Variants in TUFT1 observed in about 807,000 individuals in gnomAD.
The protein encoded by TUFT1 is tuftelin 1.
In TUFT1, 43 loss-of-function variants were observed where a neutral mutation model predicts 57.8. The ratio of observed to expected loss-of-function variants is 0.74; its 90% CI spans 0.58 to 0.96. The LOEUF (loss-of-function observed/expected upper bound fraction) is 0.96. TUFT1 is among the 40% of genes least tolerant of loss of function. The pLI is 0.00. For synonymous variants in TUFT1, 166 were observed against 176.7 expected, an observed-to-expected ratio of 0.94 and a Z score of 0.48; for missense variants, 459 against 489.0, an observed-to-expected ratio of 0.94 and a Z score of 0.58.
intron 4 of TUFT1, 32 bp from the exon 5 acceptor site, chr1:151,564,493 T>C (rs769636019): frequency 6.4e-7 from 1 of 1,571,254 alleles, no homozygotes; most frequent in South Asian, 1.1e-5. Flanking sequence ...TTCTCTACCC[T>C]AAAGCTCAAG....
chr1:151,541,313 C>T (rs1665158689), intron 1 of TUFT1, among the ~76,000 whole-genome samples: 3 of 152,184 alleles, frequency 2.0e-5, no homozygotes, highest in Admixed American at 1.3e-4. Flanking sequence ...TTCTCTGGCT[C>T]CCAGTCCCAG....
chr1:151,580,167 G>C lies in TUFT1; in HGVS notation c.1008+435G>C, dbSNP rs550234534. 2.4e-4 allele frequency among the ~76,000 whole-genome samples: 36 copies of C among 152,332 alleles called. No individual in the cohort carries two copies. The South Asian group carries it at 7.2e-3, about 31-fold the overall frequency. ...CTTTGCCACAGGGCCCTACCTGTCT[G>C]TTGACTACCTGAAGATCACTTTGCG... On this transcript the variant is annotated intron_variant, in intron 11 of 12. Transcript: ENST00000368849.
intron 5 of TUFT1, chr1:151,565,017 T>TA (rs1375151010): frequency 6.2e-6 from 1 of 161,094 alleles, no homozygotes; most frequent in Non-Finnish European, 1.4e-5. Flanking sequence ...GTTTGGGTGA[T>TA]ACCTGTAGCG....
In TUFT1 at chr1:151,569,741, C is replaced by G. The variant is rs1435046037; in HGVS notation, c.565C>G (p.Gln189Glu). 2.1e-5 allele frequency: 34 copies of G among 1,613,838 alleles called. No individual in the cohort carries two copies. Among genetic ancestry groups the G allele is most frequent in the Non-Finnish European group, 2.9e-5 (34 of 1,179,896 alleles). Residue 189 changes from glutamine (Q) to glutamate (E), a missense_variant, in exon 7 of 13, where the codon CAA becomes GAA. Physicochemically the swap from Gln to Glu is conservative, Grantham distance 29. Coordinates refer to ENST00000368849, the MANE Select transcript of TUFT1 (RefSeq NM_020127.3). The part of the protein sequence containing the change: ...LLAKLQEAKR[Q>E]HQSDCVAFEV... Reference sequence around the variant, plus strand: ...GGCCAAGCTTCAGGAGGCCAAGCGGCAACACCAGTCAGACTGTGTGGCTTT... The same window carrying G: ...GGCCAAGCTTCAGGAGGCCAAGCGGGAACACCAGTCAGACTGTGTGGCTTT...
chr1:151,561,354 A>G (rs1665882258), intron 1 of TUFT1, among the ~76,000 whole-genome samples: 1 of 152,006 alleles, frequency 6.6e-6, no homozygotes, highest in Non-Finnish European at 1.5e-5. Flanking sequence ...CATGTCTACA[A>G]AAAATACAAA....
At chr1:151,550,303 G>T (rs1359133400) in intron 1 of TUFT1, among the ~76,000 whole-genome samples, 1 of 152,124 alleles carries the variant, frequency 6.6e-6, no homozygotes, top group Non-Finnish European at 1.5e-5. Flanking sequence ...AAAGTTCTGG[G>T]ATTATAGGCG....
chr1:151,581,645 A>AT lies in TUFT1; in HGVS notation c.1113dup (p.Arg372Ter). 1 of 1,614,068 alleles carries AT rather than the reference A, an allele frequency of 6.2e-7. No homozygotes were observed. Among genetic ancestry groups the AT allele is most frequent in the Non-Finnish European group, 8.5e-7 (1 of 1,179,994 alleles). On this transcript the variant is annotated frameshift_variant and splice_region_variant, in exon 13 of 13. Coordinates refer to ENST00000368849, the MANE Select transcript of TUFT1 (RefSeq NM_020127.3). LOFTEE classifies it high-confidence loss of function. ...CAGTGTTTCCAACCTTCTTTTCAGT[A>AT]TTAGGATATCCAAGCCGCCTAGCCC...
At chr1:151,574,843 C>A in intron 8 of TUFT1, 68 bp from the exon 9 acceptor site, 1 of 1,372,472 alleles carries the variant, frequency 7.3e-7, no homozygotes, top group Non-Finnish European at 1.0e-6. Flanking sequence ...GCCTGGCGCC[C>A]ATCTTAGCCC....
intron 1 of TUFT1, among the ~76,000 whole-genome samples, chr1:151,551,089 G>A (rs1665493886): frequency 6.6e-6 from 1 of 152,170 alleles, no homozygotes; most frequent in African/African-American, 2.4e-5. Context: ...TAGCTCATTA[G>A]CATTTTAATT....
At chr1:151,557,753 T>C in intron 1 of TUFT1, 1 of 775,904 alleles carries the variant, frequency 1.3e-6, no homozygotes, top group Non-Finnish European at 2.4e-6. Flanking sequence ...CTGGAAGTCC[T>C]CAGCCTAAAG....
At chr1:151,571,886 AC>A (rs1177822540) in intron 7 of TUFT1, among the ~76,000 whole-genome samples, 14 of 152,294 alleles carry the variant, frequency 9.2e-5, no homozygotes, top group African/African-American at 3.4e-4. Flanking sequence ...ATGCAGGACC[AC>A]CTGCAGCAGT....
At chr1:151,574,086 C>G (rs1172829921) in intron 7 of TUFT1, among the ~76,000 whole-genome samples, 184 bp from the exon 8 acceptor site, 4 of 151,984 alleles carry the variant, frequency 2.6e-5, no homozygotes, top group Admixed American at 1.3e-4. Flanking sequence ...AAATAGACAC[C>G]CTGCTGGAGT....
chr1:151,542,982 C>G (rs11204844), intron 1 of TUFT1, among the ~76,000 whole-genome samples: 30,405 of 152,174 alleles, frequency 0.2, 3,626 homozygotes, highest in South Asian at 0.35. Flanking sequence ...GATGTTTCTT[C>G]CGGAGTCAGA....
At chr1:151,562,556 C>T in intron 2 of TUFT1, 29 bp from the exon 3 acceptor site, 2 of 1,562,322 alleles carry the variant, frequency 1.3e-6, no homozygotes, top group Non-Finnish European at 1.8e-6. Context: ...CTCTCTCTCT[C>T]TCTCTCTCTC....
At chr1:151,579,584 G>A (rs988648942) in intron 10 of TUFT1, 65 bp from the exon 11 acceptor site, 92 of 1,552,446 alleles carry the variant, frequency 5.9e-5, no homozygotes, top group Middle Eastern at 3.4e-4. Flanking sequence ...CAGCTGGGGT[G>A]AAGTCTGGTG....
intron 10 of TUFT1, among the ~76,000 whole-genome samples, chr1:151,579,130 G>C (rs1666569104): frequency 6.6e-6 from 1 of 152,186 alleles, no homozygotes; most frequent in South Asian, 2.1e-4. Context: ...TCTGTTATCT[G>C]TGCAGATTAT....
intron 2 of TUFT1, 117 bp downstream of exon 2, chr1:151,562,282 T>A: frequency 3.4e-6 from 3 of 888,836 alleles, no homozygotes; most frequent in South Asian, 3.1e-5. Context: ...TGGGAGCCCC[T>A]CCTTTCAGCA....
rs1175235482 is a variant in TUFT1 at position 151,582,439 on chromosome 1, G to A, written c.*732G>A. 1 of 328,622 alleles carries A rather than the reference G, an allele frequency of 3.0e-6. No homozygotes were observed. Among genetic ancestry groups the A allele is most frequent in the Non-Finnish European group, 6.0e-6 (1 of 166,846 alleles). The allele number at this position is 328,622 out of a possible 1,614,324, so 20.4% of individuals were successfully genotyped here. A position where few individuals can be genotyped will look rare whatever the true frequency, so the allele number is the denominator to read the frequency against. On this transcript the variant is annotated 3_prime_UTR_variant, in exon 13 of 13. Transcript: ENST00000368849. ...TCTCTTTAGGGATTTTCCCTAAGGT[G>A]TACCACCAGGCACACCTCAGTCTTC...
chr1:151,543,327 A>ATGTG (rs10626781), intron 1 of TUFT1, among the ~76,000 whole-genome samples: 41,753 of 146,572 alleles, frequency 0.28, 6,139 homozygotes, highest in East Asian at 0.45. Context: ...TTATATATAT[A>ATGTG]TGTGTGTGTG....
Sources: allele counts gnomAD v4.1 joint callset (sites outside exome capture counted in the v4.1 genomes callset), GRCh38; gene constraint gnomAD v4.1.1; transcripts MANE v1.5; gene names NCBI Gene and HGNC (gene_info 2026-07-23, HGNC 2026-07-21).